CCDC192: variants seen among roughly 807,000 people sequenced by gnomAD.
CCDC192 encodes the protein coiled-coil domain-containing protein 192.
intron 5 of CCDC192, among the ~76,000 whole-genome samples, chr5:127,861,726 C>T (rs1439199108): frequency 1.1e-5 from 1 of 94,504 alleles, no homozygotes; most frequent in African/African-American, 3.6e-5. Flanking sequence ...ACGCTCAAAG[C>T]ATTTAAACCA....
chr5:127,926,190 T>C (rs1277983441), intron 6 of CCDC192, among the ~76,000 whole-genome samples: 1 of 152,236 alleles, frequency 6.6e-6, no homozygotes, highest in East Asian at 1.9e-4. Flanking sequence ...ACTCAGCTAT[T>C]GTTACAGGTG....
intron 2 of CCDC192, among the ~76,000 whole-genome samples, chr5:127,716,668 T>C (rs1298991473): frequency 4.6e-5 from 7 of 152,182 alleles, no homozygotes; most frequent in Admixed American, 3.9e-4. Flanking sequence ...CTATAATCTC[T>C]CTAGAAATTT....
At chr5:127,866,755 T>C (rs906466478) in intron 5 of CCDC192, among the ~76,000 whole-genome samples, 6 of 152,114 alleles carry the variant, frequency 3.9e-5, no homozygotes, top group African/African-American at 1.4e-4. Context: ...TCACGTCCAT[T>C]TCACATTAAA....
intron 2 of CCDC192, among the ~76,000 whole-genome samples, chr5:127,714,578 GAGAT>G (rs58133295): frequency 3.3e-5 from 5 of 152,102 alleles, no homozygotes; most frequent in African/African-American, 1.2e-4. Flanking sequence ...TTTTTAAGTA[GAGAT>G]AGAGTTTCAA....
chr5:127,769,902 T>A lies in CCDC192; in HGVS notation c.222+15527T>A, dbSNP rs187361089. 7.5e-3 allele frequency among the ~76,000 whole-genome samples: 1,141 copies of A among 151,976 alleles called. 16 individuals are homozygous for A. Among genetic ancestry groups the A allele is most frequent in the African/African-American group, 0.026 (1,094 of 41,418 alleles). The stretch of plus-strand genomic sequence containing the variant: ...CAGCCCTCTTCCCAGTTACTGGAAA[T>A]TTTTTTCCATAGTGAGAGAAAGATA... On this transcript the variant is annotated intron_variant, in intron 3 of 6. Transcript: ENST00000514853.
intron 3 of CCDC192, among the ~76,000 whole-genome samples, chr5:127,776,441 G>A (rs1169858693): frequency 2.0e-5 from 3 of 152,132 alleles, no homozygotes; most frequent in African/African-American, 7.2e-5. Flanking sequence ...AAAGCATTCA[G>A]TTTTATAAGG....
At chr5:127,759,818 T>C (rs1434496599) in intron 3 of CCDC192, among the ~76,000 whole-genome samples, 1 of 152,248 alleles carries the variant, frequency 6.6e-6, no homozygotes, top group East Asian at 1.9e-4. Flanking sequence ...CTGGCTTTTC[T>C]ACTATCCAGT....
At chr5:127,719,282 C>T (rs1751820276) in intron 2 of CCDC192, among the ~76,000 whole-genome samples, 1 of 151,710 alleles carries the variant, frequency 6.6e-6, no homozygotes, top group Admixed American at 6.6e-5. Context: ...ACCACATTTT[C>T]TTTTTCTATT....
intron 6 of CCDC192, among the ~76,000 whole-genome samples, chr5:127,919,868 A>G (rs983774803): frequency 3.3e-5 from 5 of 152,204 alleles, no homozygotes; most frequent in African/African-American, 7.2e-5. Flanking sequence ...TACAGTGGAT[A>G]GATGCACTAT....
chr5:127,787,509 T>C (rs1004390033), intron 3 of CCDC192, among the ~76,000 whole-genome samples: 5 of 152,222 alleles, frequency 3.3e-5, no homozygotes, highest in African/African-American at 9.6e-5. Flanking sequence ...TAAGAGTGTG[T>C]TATTTCTGTG....
At chr5:127,903,125 A>G (rs1274270210) in intron 6 of CCDC192, among the ~76,000 whole-genome samples, 1 of 152,082 alleles carries the variant, frequency 6.6e-6, no homozygotes, top group Non-Finnish European at 1.5e-5. Flanking sequence ...TGCTGTAAAG[A>G]GGCAGACACC....
At chr5:127,796,743 T>C (rs1757186267) in intron 3 of CCDC192, among the ~76,000 whole-genome samples, 1 of 152,196 alleles carries the variant, frequency 6.6e-6, no homozygotes, top group South Asian at 2.1e-4. Flanking sequence ...AGACCATATA[T>C]AAGCCAGAAT....
At chr5:127,913,779 T>C (rs976354954) in intron 6 of CCDC192, among the ~76,000 whole-genome samples, 2 of 152,188 alleles carry the variant, frequency 1.3e-5, no homozygotes, top group Admixed American at 1.3e-4. Flanking sequence ...GAAGACAAGA[T>C]AGTTCTTCCA....
At chr5:127,878,337 G>A (rs1436179082) in intron 6 of CCDC192, among the ~76,000 whole-genome samples, 6 of 152,222 alleles carry the variant, frequency 3.9e-5, no homozygotes, top group African/African-American at 7.2e-5. Context: ...TGAACAAACT[G>A]TGGTCATGTC....
At chr5:127,933,774 A>T (rs1266173021) in intron 6 of CCDC192, among the ~76,000 whole-genome samples, 1 of 152,190 alleles carries the variant, frequency 6.6e-6, no homozygotes, top group Non-Finnish European at 1.5e-5. Flanking sequence ...TCATGAGGGC[A>T]GAGCCCTCAT....
At chr5:127,792,384 A>G (rs1051230785) in intron 3 of CCDC192, among the ~76,000 whole-genome samples, 1 of 152,140 alleles carries the variant, frequency 6.6e-6, no homozygotes, top group Non-Finnish European at 1.5e-5. Flanking sequence ...CTCACTCACT[A>G]TCATGAAAAC....
At chr5:127,881,244 T>C (rs1266594301) in intron 6 of CCDC192, among the ~76,000 whole-genome samples, 1 of 152,320 alleles carries the variant, frequency 6.6e-6, no homozygotes, top group East Asian at 1.9e-4. Flanking sequence ...TCTGAAGGCT[T>C]GCTTTGTTGT....
intron 2 of CCDC192, among the ~76,000 whole-genome samples, chr5:127,731,544 G>A (rs1752639611): frequency 6.6e-6 from 1 of 152,110 alleles, no homozygotes. Context: ...CCAAAAAAGA[G>A]CCTGTATAGC....
chr5:127,738,018 C>A (rs891656633), intron 2 of CCDC192, among the ~76,000 whole-genome samples: 1 of 151,652 alleles, frequency 6.6e-6, no homozygotes, highest in African/African-American at 2.4e-5. Context: ...GCAGTTTCTT[C>A]CTAGTCTCGA....
Sources: gnomAD v4.1 joint callset for allele counts (sites outside exome capture counted in the v4.1 genomes callset) on GRCh38, gnomAD v4.1.1 for gene constraint, MANE v1.5 for transcripts, NCBI Gene and HGNC (gene_info 2026-07-23, HGNC 2026-07-21) for gene names.